The following BLTP3B variants were observed in gnomAD, a reference collection of about 807,000 sequenced individuals.
BLTP3B encodes the protein UHRF1 (ICBP90) binding protein 1-like.
At chr12:100,124,974 A>ATATATATATATT in the BLTP3B span, among the ~76,000 whole-genome samples, 75 of 100,340 alleles carry the variant, frequency 7.5e-4, no homozygotes, top group African/African-American at 3.3e-3. Context: ...ATATATATAT[A>ATATATATATATT]TATATTTATA....
the BLTP3B span, among the ~76,000 whole-genome samples, chr12:100,106,090 C>T: frequency 1.3e-5 from 2 of 152,074 alleles, no homozygotes; most frequent in African/African-American, 4.8e-5. Flanking sequence ...AAAAGGAATG[C>T]TTATACACTG....
the BLTP3B span, among the ~76,000 whole-genome samples, chr12:100,140,835 T>C: frequency 6.7e-6 from 1 of 149,934 alleles, no homozygotes; most frequent in Admixed American, 6.6e-5. Flanking sequence ...CCATTACATC[T>C]TTGTTCTTAA....
the BLTP3B span, chr12:100,047,749 T>A: frequency 3.8e-6 from 4 of 1,064,432 alleles, no homozygotes; most frequent in South Asian, 4.4e-5. Context: ...GCGAGAAAAC[T>A]GCCTGTTATA....
chr12:100,083,122 G>C, the BLTP3B span: 4 of 1,612,146 alleles, frequency 2.5e-6, no homozygotes, highest in Non-Finnish European at 3.4e-6. Context: ...CCCTTTCAGA[G>C]GGTAGTCCTT....
At chr12:100,092,752 C>A in the BLTP3B span, 1 of 220,054 alleles carries the variant, frequency 4.5e-6, no homozygotes, top group East Asian at 1.8e-4. Flanking sequence ...ACTACGACTG[C>A]CATCTCTGTT....
At chr12:100,138,971 A>G in the BLTP3B span, among the ~76,000 whole-genome samples, 109,056 of 152,086 alleles carry the variant, frequency 0.72, 40,975 homozygotes, top group East Asian at 0.99. Flanking sequence ...TTCCATTCCC[A>G]TGTGAAAAAC....
At chr12:100,084,003 AC>A in the BLTP3B span, among the ~76,000 whole-genome samples, 1 of 152,112 alleles carries the variant, frequency 6.6e-6, no homozygotes, top group African/African-American at 2.4e-5. Context: ...ACCCTGGCCA[AC>A]ACAGTGAAAC....
At chr12:100,134,119 C>T in the BLTP3B span, among the ~76,000 whole-genome samples, 1 of 150,310 alleles carries the variant, frequency 6.7e-6, no homozygotes, top group Non-Finnish European at 1.5e-5. Context: ...AGTGCATGTA[C>T]TTAAAAGGAT....
chr12:100,116,889 T>C, the BLTP3B span, among the ~76,000 whole-genome samples: 1 of 152,216 alleles, frequency 6.6e-6, no homozygotes, highest in Non-Finnish European at 1.5e-5. Context: ...AGTGTAGCAA[T>C]GTTGCAGGAT....
At chr12:100,067,637 G>T in the BLTP3B span, among the ~76,000 whole-genome samples, 1 of 151,802 alleles carries the variant, frequency 6.6e-6, no homozygotes, top group Non-Finnish European at 1.5e-5. Context: ...CTTAAATCAG[G>T]AAGAATTAGA....
the BLTP3B span, among the ~76,000 whole-genome samples, chr12:100,117,677 T>G: frequency 6.6e-6 from 1 of 151,954 alleles, no homozygotes; most frequent in African/African-American, 2.4e-5. Flanking sequence ...ATTTTTAATT[T>G]TTTTGTAGAG....
the BLTP3B span, among the ~76,000 whole-genome samples, chr12:100,136,970 C>G: frequency 6.6e-6 from 1 of 152,126 alleles, no homozygotes; most frequent in Non-Finnish European, 1.5e-5. Context: ...GGCCACCACA[C>G]CCAGCTAATT....
At chr12:100,039,764 A>G in the BLTP3B span, 116 of 1,613,208 alleles carry the variant, frequency 7.2e-5, no homozygotes, top group Non-Finnish European at 9.4e-5. Flanking sequence ...CTTTCAAATC[A>G]TTTCCAGTGT....
the BLTP3B span, chr12:100,050,266 C>A: frequency 6.2e-7 from 1 of 1,611,054 alleles, no homozygotes; most frequent in Non-Finnish European, 8.5e-7. Flanking sequence ...ATCTTCCCCT[C>A]GGATGTCAAT....
At chr12:100,055,487 G>A in the BLTP3B span, among the ~76,000 whole-genome samples, 1 of 151,858 alleles carries the variant, frequency 6.6e-6, no homozygotes, top group South Asian at 2.1e-4. Flanking sequence ...GATCTGCCTG[G>A]CCATCATGGT....
At chr12:100,094,939 T>C in the BLTP3B span, among the ~76,000 whole-genome samples, 1 of 152,228 alleles carries the variant, frequency 6.6e-6, no homozygotes, top group Non-Finnish European at 1.5e-5. Flanking sequence ...TATAACACTG[T>C]TTCCAAGGAA....
At chr12:100,058,335 C>G in the BLTP3B span, 157 of 1,613,586 alleles carry the variant, frequency 9.7e-5, no homozygotes, top group Non-Finnish European at 1.3e-4. Flanking sequence ...AACAAGTCCA[C>G]TACTTTCATC....
the BLTP3B span, among the ~76,000 whole-genome samples, chr12:100,074,756 GA>G: frequency 6.6e-6 from 1 of 151,880 alleles, no homozygotes; most frequent in South Asian, 2.1e-4. Context: ...GCAACTCTAA[GA>G]AAAAAGAACA....
At chr12:100,072,717 T>C in the BLTP3B span, 4 of 1,599,692 alleles carry the variant, frequency 2.5e-6, no homozygotes, top group Middle Eastern at 1.7e-4. Context: ...GTGAATTCTA[T>C]ATAGACAGCT....
Sources: allele counts gnomAD v4.1 joint callset (sites outside exome capture counted in the v4.1 genomes callset), GRCh38; gene constraint gnomAD v4.1.1; transcripts MANE v1.5; gene names NCBI Gene and HGNC (gene_info 2026-07-23, HGNC 2026-07-21).